Variants in PINX1 observed in about 807,000 individuals in gnomAD.
PINX1 encodes PIN2/TERF1-interacting telomerase inhibitor 1.
A neutral mutation model predicts 25.4 loss-of-function variants in PINX1; 34 were observed. The ratio of observed to expected loss-of-function variants is 1.34; its 90% confidence interval spans 1.02 to 1.78. The LOEUF is 1.78. Among genes scored for constraint, PINX1 ranks in the 40% most tolerant of loss-of-function variants. The probability of loss-of-function intolerance (pLI) is 0.00; values close to 1 mark genes in which losing one functional copy is unlikely to be tolerated. For synonymous variants in PINX1, 197 were observed against 147.7 expected (o/e 1.33, Z -2.42); for missense variants, 592 against 404.9 (o/e 1.46, Z -3.97).
At chr8:10,835,040 G>A (rs1231848524) in intron 1 of PINX1, among the ~76,000 whole-genome samples, 1 of 152,164 alleles carries the variant, frequency 6.6e-6, no homozygotes, top group African/African-American at 2.4e-5. Flanking sequence ...CAAAGCAAAT[G>A]CTCAATATAC....
intron 6 of PINX1, among the ~76,000 whole-genome samples, chr8:10,786,271 C>T (rs1013223066): frequency 5.9e-5 from 9 of 152,198 alleles, no homozygotes; most frequent in Non-Finnish European, 7.3e-5. Context: ...GGTCTATAAA[C>T]GGCATCAATA....
chr8:10,797,211 T>A (rs926763397), intron 6 of PINX1, among the ~76,000 whole-genome samples: 1 of 152,224 alleles, frequency 6.6e-6, no homozygotes, highest in Non-Finnish European at 1.5e-5. Flanking sequence ...TTAACCTTTG[T>A]CAGCTTCCTC....
intron 6 of PINX1, among the ~76,000 whole-genome samples, chr8:10,786,212 A>C (rs1801742900): frequency 6.6e-6 from 1 of 152,234 alleles, no homozygotes; most frequent in Non-Finnish European, 1.5e-5. Context: ...GTTACATTTT[A>C]GGTGAATTTC....
intron 6 of PINX1, among the ~76,000 whole-genome samples, chr8:10,801,434 G>A (rs1328993862): frequency 1.3e-5 from 2 of 152,252 alleles, no homozygotes; most frequent in African/African-American, 4.8e-5. Flanking sequence ...AGCATAGGCT[G>A]TCATCCACAT....
intron 4 of PINX1, among the ~76,000 whole-genome samples, chr8:10,830,913 G>T (rs997455982): frequency 6.6e-6 from 1 of 152,102 alleles, no homozygotes; most frequent in African/African-American, 2.4e-5. Context: ...GTTAAAAATA[G>T]AACTACTATA....
intron 4 of PINX1, among the ~76,000 whole-genome samples, chr8:10,827,714 G>A (rs1228444620): frequency 2.0e-5 from 3 of 151,502 alleles, no homozygotes; most frequent in Admixed American, 6.6e-5. Flanking sequence ...ACACCATCCT[G>A]GCTAACATGG....
At chr8:10,799,662 T>TC (rs1279052714) in intron 6 of PINX1, among the ~76,000 whole-genome samples, 2 of 152,182 alleles carry the variant, frequency 1.3e-5, no homozygotes, top group Non-Finnish European at 2.9e-5. Context: ...CCACTTACTG[T>TC]CCCTCTCTAA....
chr8:10,811,954 G>A (rs75946928), intron 6 of PINX1, among the ~76,000 whole-genome samples: 18,189 of 152,194 alleles, frequency 0.12, 1,408 homozygotes, highest in Non-Finnish European at 0.17. Context: ...AGAGCATGTG[G>A]AATGAGAGGT....
intron 6 of PINX1, among the ~76,000 whole-genome samples, chr8:10,790,517 C>T (rs1801889963): frequency 6.6e-6 from 1 of 152,170 alleles, no homozygotes; most frequent in African/African-American, 2.4e-5. Flanking sequence ...CTCCCAGGAG[C>T]CGTGTCACCA....
intron 6 of PINX1, among the ~76,000 whole-genome samples, chr8:10,784,900 G>A (rs1563208409): frequency 6.6e-6 from 1 of 152,212 alleles, no homozygotes. Flanking sequence ...TCAGCCTCGT[G>A]CTCTTTGGCA....
chr8:10,779,232 A>G (rs1038869350), intron 6 of PINX1, among the ~76,000 whole-genome samples: 1 of 152,222 alleles, frequency 6.6e-6, no homozygotes, highest in Non-Finnish European at 1.5e-5. Context: ...GTGAAGAAAG[A>G]TCCTGGGCGT....
chr8:10,816,197 T>C (rs549250383), intron 6 of PINX1, among the ~76,000 whole-genome samples: 2 of 152,354 alleles, frequency 1.3e-5, no homozygotes, highest in South Asian at 2.1e-4. Flanking sequence ...CACAGAGCTG[T>C]ATGAGCAGAT....
At chr8:10,806,784 G>A (rs1346064401) in intron 6 of PINX1, among the ~76,000 whole-genome samples, 4 of 152,074 alleles carry the variant, frequency 2.6e-5, no homozygotes, top group East Asian at 1.9e-4. Flanking sequence ...CAGGGGAGGC[G>A]CTCCTGACAG....
chr8:10,818,343 T>A (rs1797762869), intron 6 of PINX1, among the ~76,000 whole-genome samples: 1 of 152,164 alleles, frequency 6.6e-6, no homozygotes, highest in Non-Finnish European at 1.5e-5. Context: ...TAACATGACT[T>A]AGCTACCAAA....
intron 6 of PINX1, among the ~76,000 whole-genome samples, chr8:10,792,455 C>G (rs565151366): frequency 6.6e-6 from 1 of 152,098 alleles, no homozygotes; most frequent in African/African-American, 2.4e-5. Context: ...TTGACCGTCC[C>G]TCCCCCGTGA....
At chr8:10,821,991 TA>T (rs1200383985) in intron 5 of PINX1, 2 of 152,228 alleles carry the variant, frequency 1.3e-5, no homozygotes, top group African/African-American at 2.4e-5. Flanking sequence ...GACAGTAAGC[TA>T]TATCAATGAA....
At chr8:10,774,441 C>A (rs1402509289) in intron 6 of PINX1, among the ~76,000 whole-genome samples, 2 of 152,102 alleles carry the variant, frequency 1.3e-5, no homozygotes, top group African/African-American at 4.8e-5. Context: ...GCCACCACGC[C>A]CAGCTAATTT....
intron 6 of PINX1, among the ~76,000 whole-genome samples, chr8:10,775,823 C>T (rs74778384): frequency 6.6e-6 from 1 of 152,140 alleles, no homozygotes; most frequent in African/African-American, 2.4e-5. Context: ...AAATAGGGCT[C>T]CTCAGTAACT....
intron 5 of PINX1, among the ~76,000 whole-genome samples, chr8:10,825,806 C>A (rs556395595): frequency 2.6e-5 from 4 of 152,234 alleles, no homozygotes; most frequent in Non-Finnish European, 4.4e-5. Context: ...AAACACCATG[C>A]AGCTAAAAAT....
Sources: allele counts gnomAD v4.1 joint callset (sites outside exome capture counted in the v4.1 genomes callset), GRCh38; gene constraint gnomAD v4.1.1; transcripts MANE v1.5; gene names NCBI Gene and HGNC (gene_info 2026-07-23, HGNC 2026-07-21).